Variants in SRRM2 observed in about 807,000 individuals in gnomAD.
SRRM2 encodes the protein serine/arginine repetitive matrix 2.
SRRM2 carries 30 observed loss-of-function variants against 213.8 expected under a neutral mutation model. That is an observed-to-expected ratio of 0.14 (90% CI 0.10 to 0.19). The LOEUF (loss-of-function observed/expected upper bound fraction) is 0.19. Ranked by LOEUF, SRRM2 falls within the 10% of genes least tolerant of loss-of-function variation. SRRM2 has a pLI of 1.00. For synonymous variants in SRRM2, 2,025 were observed against 1,377.7 expected (o/e 1.47, Z -10.40); for missense variants, 4,904 against 3,647.0 (o/e 1.34, Z -8.88).
In SRRM2 at chr16:2,771,176, CCCACTTGTAT is replaced by C; in HGVS notation, c.*313_*322del. 3.2e-6 allele frequency: 2 copies of C among 626,594 alleles called. No individual in the cohort carries two copies. Among genetic ancestry groups the C allele is most frequent in the South Asian group, 3.9e-5 (2 of 51,670 alleles). 38.8% of individuals were successfully genotyped at this position (626,594 alleles called of 1,614,324 possible). A position where few individuals can be genotyped will look rare whatever the true frequency, so the allele number is the denominator to read the frequency against. ...GGAGTCAGGGCCAGGGAGGCATGGC[CCCACTTGTAT>C]CCAGAAGTTCCCAGGGGTGATTGTG... On this transcript the variant is annotated 3_prime_UTR_variant, in exon 15 of 15. Transcript: ENST00000301740.
chr16:2,756,389 A>T lies in SRRM2; in HGVS notation c.25A>T (p.Thr9Ser). The T allele has an allele frequency of 6.2e-7, 1 of 1,607,678 alleles. No homozygotes were observed. The highest frequency in any genetic ancestry group is 1.3e-5 in the African/African-American group (1 of 74,912). The stretch of plus-strand genomic sequence containing the variant: ...CATGTACAACGGGATCGGGCTGCCG[A>T]CGCCCCGGGGCAGCGGCACCAACGG... MYNGIGLP[T>S]PRGSGTNGYV... Residue 9 changes from threonine (T) to serine (S), a missense_variant, in exon 2 of 15, where the codon ACG becomes TCG. Physicochemically the swap from Thr to Ser is moderately conservative, Grantham distance 58. Coordinates refer to ENST00000301740, the MANE Select transcript of SRRM2 (RefSeq NM_016333.4).
At chr16:2,768,405 G>A (rs1344007038) in intron 11 of SRRM2, 144 bp downstream of exon 11, 3 of 892,462 alleles carry the variant, frequency 3.4e-6, no homozygotes, top group Non-Finnish European at 5.0e-6. Context: ...GGGTAGAAGA[G>A]AATGCTGGGG....
chr16:2,760,042 T>C (rs2068284009), intron 9 of SRRM2: 1 of 560,760 alleles, frequency 1.8e-6, no homozygotes, highest in Non-Finnish European at 3.2e-6. Context: ...GGGAGTGGGC[T>C]GGGTGGATGG....
rs374282313 is a variant in SRRM2, at chr16:2,764,212, A to G, written c.3684A>G (p.Ala1228=). The G allele has an allele frequency of 5.6e-6, 9 of 1,614,150 alleles. No individual in the cohort carries two copies. The highest frequency in any genetic ancestry group is 5.3e-5 in the African/African-American group (4 of 74,956). The part of the protein sequence containing the change: ...SSPETKEQNS[A]LPTSSQDEEL... ...CAGAAACAAAAGAGCAAAATAGTGC[A>G]TTGCCTACGTCAAGCCAAGATGAAG... The change falls in exon 11 of 15, where the codon GCA becomes GCG. Residue 1228 remains alanine (A), a synonymous_variant. Transcript: ENST00000301740.
rs780468838 is a variant in SRRM2, at chr16:2,770,374, A to G, written c.8044A>G (p.Ile2682Val). The change falls in exon 13 of 15, where the codon ATA (isoleucine) becomes GTA (valine). Residue 2682 changes from isoleucine to valine, a missense_variant. Transcript: ENST00000301740. ...ERRSRSPRKP[I>V]DSLRDSRSLS... ...CAGGTCCCGCAGCCCCCGGAAGCCA[A>G]TAGACTCCCTCAGGGACTCTCGGTC... 2.5e-6 allele frequency: 4 copies of G among 1,606,654 alleles called. No individual in the cohort carries two copies. Among genetic ancestry groups the G allele is most frequent in the African/African-American group, 1.3e-5 (1 of 74,728 alleles).
rs1413586078 is a variant in SRRM2 at position 2,763,218 on chromosome 16, C to G, written c.2690C>G (p.Pro897Arg). The G allele has an allele frequency of 1.2e-6, 2 of 1,614,050 alleles. No individual in the cohort carries two copies. Among genetic ancestry groups the G allele is most frequent in the Non-Finnish European group, 1.7e-6 (2 of 1,179,988 alleles). Residue 897 changes from proline (P) to arginine (R), a missense_variant, in exon 11 of 15, where the codon CCT (proline) becomes CGT (arginine). Pro to Arg is a moderately radical substitution (Grantham distance 103, BLOSUM62 -2). Transcript: ENST00000301740. Reference sequence around the variant, plus strand: ...CATAGCTGCTCAGGGTCCTCTCCTCCTAGAGTGAAATCTAGCACACCTCCC... The same window carrying G: ...CATAGCTGCTCAGGGTCCTCTCCTCGTAGAGTGAAATCTAGCACACCTCCC... ...SRHSCSGSSP[P>R]RVKSSTPPRQ...
Position 2,764,479 on chromosome 16 carries a change from G to T in SRRM2, c.3951G>T (p.Leu1317=). The change falls in exon 11 of 15, where the codon CTG becomes CTT. Residue 1317 remains leucine (L), a synonymous_variant. Transcript: ENST00000301740. The part of the protein sequence containing the change: ...GPHFSPEHKE[L]SNSPLRENSF... ...ATTTTTCTCCAGAACATAAAGAACT[G>T]TCTAACTCCCCACTCAGGGAGAACA... 2.5e-6 allele frequency: 4 copies of T among 1,614,068 alleles called. No individual in the cohort carries two copies. Among genetic ancestry groups the T allele is most frequent in the Non-Finnish European group, 2.5e-6 (3 of 1,180,030 alleles).
chr16:2,764,551 A>T lies in SRRM2; in HGVS notation c.4023A>T (p.Thr1341=). Residue 1341 remains threonine (T), a synonymous_variant, in exon 11 of 15, where the codon ACA becomes ACT. Coordinates refer to ENST00000301740, the MANE Select transcript of SRRM2 (RefSeq NM_016333.4). ...TTAGAAACTCAGGCCCACTTGGTACAGAAATGAATACTGGATTTTCTTCTG... is the reference window on the plus strand; with the variant it reads ...TTAGAAACTCAGGCCCACTTGGTACTGAAATGAATACTGGATTTTCTTCTG... ...LEFRNSGPLG[T]EMNTGFSSEV... 2 of 1,614,276 alleles carry T rather than the reference A, an allele frequency of 1.2e-6. No individual in the cohort carries two copies. The highest frequency in any genetic ancestry group is 1.7e-6 in the Non-Finnish European group (2 of 1,180,044).
chr16:2,756,343 T>G lies in SRRM2; in HGVS notation c.-22T>G, dbSNP rs773328940. ...CCCCGCTCCCCCTCAGGAGCGGTGG[T>G]GCCCCCCCCGGGCACGGGGCCATGT... is the stretch of plus-strand genomic sequence containing the variant. On this transcript the variant is annotated 5_prime_UTR_variant, in exon 2 of 15. Coordinates refer to ENST00000301740, the MANE Select transcript of SRRM2 (RefSeq NM_016333.4). 2 of 1,580,438 alleles carry G rather than the reference T, an allele frequency of 1.3e-6. No individual in the cohort carries two copies. Among genetic ancestry groups the G allele is most frequent in the Admixed American group, 3.5e-5 (2 of 56,548 alleles).
rs1011973724 is a variant in SRRM2 at position 2,759,918 on chromosome 16, G to A, written c.833+257G>A. The A allele has an allele frequency of 1.3e-5, 7 of 541,612 alleles. No homozygotes were observed. The Admixed American group carries it at 1.3e-4, about 10-fold the overall frequency. The allele number at this position is 541,612 out of a possible 1,614,324, so 33.6% of individuals were successfully genotyped here. A position where few individuals can be genotyped will look rare whatever the true frequency, so the allele number is the denominator to read the frequency against. The stretch of plus-strand genomic sequence containing the variant: ...TATGGACTGCCAGAATAGGGGGGGT[G>A]GTGGTTTGTTCGTGGTGTCTGGGGG... On this transcript the variant is annotated intron_variant, in intron 9 of 14. Transcript: ENST00000301740.
rs745921068 is a variant in SRRM2 at position 2,764,888 on chromosome 16, C to A, written c.4360C>A (p.Pro1454Thr). 1 of 1,614,164 alleles carries A rather than the reference C, an allele frequency of 6.2e-7. No homozygotes were observed. The highest frequency in any genetic ancestry group is 1.1e-5 in the South Asian group (1 of 91,088). ...SPGLRDGSGT[P>T]SRHSLSGSSP... ...AGGACTTAGAGATGGGTCTGGGACT[C>A]CCTCGAGGCACAGCCTGTCTGGGTC... The change falls in exon 11 of 15, where the codon CCC becomes ACC. Residue 1454 changes from proline (P) to threonine (T), a missense_variant. Transcript: ENST00000301740.
Position 2,770,336 on chromosome 16 carries a change from C to G in SRRM2, c.8022-16C>G. 1.9e-6 allele frequency: 3 copies of G among 1,567,834 alleles called. No individual in the cohort carries two copies. The highest frequency in any genetic ancestry group is 1.2e-5 in the South Asian group (1 of 85,304). On this transcript the variant is annotated splice_polypyrimidine_tract_variant and intron_variant, in intron 12 of 14. Coordinates refer to ENST00000301740, the MANE Select transcript of SRRM2 (RefSeq NM_016333.4). ...TGAAAGGGTGTGGTGCTATTGGGTC[C>G]TACTGTGTTCCCCAGGTCCCGCAGC...
rs766769726 is a variant in SRRM2, at chr16:2,765,217, A to G, written c.4689A>G (p.Pro1563=). 51 of 1,614,124 alleles carry G rather than the reference A, an allele frequency of 3.2e-5. 1 individual carries two copies. In the South Asian group the frequency reaches 5.4e-4, roughly 17 times the overall value. Reference sequence around the variant, plus strand: ...AAAGAAGTGAGTCAGACTCTTCTCCAGATTCTAAAGCCAAGACAAGAACCC... The same window carrying G: ...AAAGAAGTGAGTCAGACTCTTCTCCGGATTCTAAAGCCAAGACAAGAACCC... ...PQERSESDSS[P]DSKAKTRTPL... is the part of the protein sequence containing the mutation. Residue 1563 remains proline, a synonymous_variant, in exon 11 of 15, where the codon CCA becomes CCG. Coordinates refer to ENST00000301740, the MANE Select transcript of SRRM2 (RefSeq NM_016333.4).
At position 2,767,307 on chromosome 16, in the gene SRRM2, G is replaced by A. The variant is rs1301986798; in HGVS notation, c.6779G>A (p.Arg2260Gln). 5.0e-6 allele frequency: 8 copies of A among 1,613,878 alleles called. No individual in the cohort carries two copies. The highest frequency in any genetic ancestry group is 5.9e-6 in the Non-Finnish European group (7 of 1,180,034). The change falls in exon 11 of 15, where the codon CGA (arginine) becomes CAA (glutamine). Residue 2260 changes from arginine to glutamine, a missense_variant. Coordinates refer to ENST00000301740, the MANE Select transcript of SRRM2 (RefSeq NM_016333.4). Reference sequence around the variant, plus strand: ...ACAGCAGTGAACCTGGCTGACTCTCGAACGCCAGCTGCAGCAGCGGCCATG... The same window carrying A: ...ACAGCAGTGAACCTGGCTGACTCTCAAACGCCAGCTGCAGCAGCGGCCATG... Reference protein sequence around the residue: ...IPTAVNLADSRTPAAAAAMNL... With the variant: ...IPTAVNLADSQTPAAAAAMNL...
chr16:2,756,002 G>A (rs1238680164), intron 1 of SRRM2, among the ~76,000 whole-genome samples: 1 of 152,172 alleles, frequency 6.6e-6, no homozygotes, highest in African/African-American at 2.4e-5. Context: ...GGGACAGTGT[G>A]GAGAGATTTT....
chr16:2,765,970 G>A lies in SRRM2; in HGVS notation c.5442G>A (p.Arg1814=), dbSNP rs1373346292. ...CAAGGTCGCGGGTTACTCGGCGGCGGAGGGGAGGCTCTGGTTATCACTCAA... is the reference window on the plus strand; with the variant it reads ...CAAGGTCGCGGGTTACTCGGCGGCGAAGGGGAGGCTCTGGTTATCACTCAA... ...SRSRSRVTRR[R]RGGSGYHSRS... Residue 1814 remains arginine, a synonymous_variant, in exon 11 of 15, where the codon CGG becomes CGA. Transcript: ENST00000301740. The A allele has an allele frequency of 6.2e-7, 1 of 1,614,154 alleles. No individual in the cohort carries two copies. The highest frequency in any genetic ancestry group is 1.7e-5 in the Admixed American group (1 of 60,026).
intron 11 of SRRM2, chr16:2,768,730 C>T (rs1455604210): frequency 1.4e-6 from 1 of 722,556 alleles, no homozygotes; most frequent in Admixed American, 2.0e-5. Flanking sequence ...CACACCTGAG[C>T]CCAGAGGCCT....
Position 2,764,368 on chromosome 16 carries a change from G to A in SRRM2, c.3840G>A (p.Val1280=), listed in dbSNP as rs144705999. 9 of 1,614,030 alleles carry A rather than the reference G, an allele frequency of 5.6e-6. No homozygotes were observed. Among genetic ancestry groups the A allele is most frequent in the Non-Finnish European group, 7.6e-6 (9 of 1,180,036 alleles). ...SSPEVEERPA[V]SLTLDQSQSQ... Reference sequence around the variant, plus strand: ...CTGAAGTAGAAGAAAGGCCTGCTGTGTCTTTGACTCTTGATCAGAGCCAGT... The same window carrying A: ...CTGAAGTAGAAGAAAGGCCTGCTGTATCTTTGACTCTTGATCAGAGCCAGT... The change falls in exon 11 of 15, where the codon GTG becomes GTA. Residue 1280 remains valine, a synonymous_variant. Coordinates refer to ENST00000301740, the MANE Select transcript of SRRM2 (RefSeq NM_016333.4).
chr16:2,771,254 G>T lies in SRRM2; in HGVS notation c.*387G>T. ...AGGTTGTATAAGGTGTTCTTGGAAG[G>T]AAGGGGCAGGAGTTGGAATTAGTTG... On this transcript the variant is annotated 3_prime_UTR_variant, in exon 15 of 15. Coordinates refer to ENST00000301740, the MANE Select transcript of SRRM2 (RefSeq NM_016333.4). The T allele has an allele frequency of 1.4e-6, 1 of 734,332 alleles. No homozygotes were observed. The highest frequency in any genetic ancestry group is 2.4e-6 in the Non-Finnish European group (1 of 423,512). The allele number at this position is 734,332 out of a possible 1,614,324, so 45.5% of individuals were successfully genotyped here. A position where few individuals can be genotyped will look rare whatever the true frequency, so the allele number is the denominator to read the frequency against.
Sources: gnomAD v4.1 joint callset for allele counts (sites outside exome capture counted in the v4.1 genomes callset) on GRCh38, gnomAD v4.1.1 for gene constraint, MANE v1.5 for transcripts, NCBI Gene and HGNC (gene_info 2026-07-23, HGNC 2026-07-21) for gene names.